Variants in ZNF143 observed in about 807,000 individuals in gnomAD.
ZNF143 encodes the protein SPH-binding factor.
ZNF143 carries 49 observed loss-of-function variants against 74.1 expected under a neutral mutation model. That is an observed-to-expected ratio of 0.66 (90% CI 0.53 to 0.84). The LOEUF (loss-of-function observed/expected upper bound fraction) is 0.84. Among genes scored for constraint, ZNF143 ranks in the 40% least tolerant of loss-of-function variants. The pLI is 0.00. For synonymous variants in ZNF143, 304 were observed against 282.8 expected (o/e 1.07, Z -0.75); for missense variants, 637 against 793.4 (o/e 0.80, Z 2.37).
chr11:9,465,297 C>G (rs1856129966), intron 1 of ZNF143, among the ~76,000 whole-genome samples: 1 of 151,956 alleles, frequency 6.6e-6, no homozygotes, highest in African/African-American at 2.4e-5. Context: ...AGTGATTCCC[C>G]TGCCTCAGCC....
chr11:9,511,449 A>G (rs1589935473), intron 12 of ZNF143, among the ~76,000 whole-genome samples: 1 of 147,448 alleles, frequency 6.8e-6, no homozygotes, highest in African/African-American at 2.5e-5. Context: ...GGCGCCTGCC[A>G]CCATGCCCGG....
intron 2 of ZNF143, among the ~76,000 whole-genome samples, chr11:9,472,474 G>T (rs1856638089): frequency 6.6e-6 from 1 of 152,038 alleles, no homozygotes; most frequent in Non-Finnish European, 1.5e-5. Flanking sequence ...GGCTGGTGTC[G>T]AACTTCTGAC....
chr11:9,484,855 T>C (rs914834253), intron 7 of ZNF143, among the ~76,000 whole-genome samples: 6 of 121,896 alleles, frequency 4.9e-5, no homozygotes, highest in African/African-American at 1.6e-4. Flanking sequence ...TGGAGTGCAG[T>C]GGCGCGATCT....
At position 9,478,532 on chromosome 11, in the gene ZNF143, G is replaced by C; in HGVS notation, c.516G>C (p.Gly172=). 6.2e-7 allele frequency: 1 copy of C among 1,614,146 alleles called. No homozygotes were observed. Among genetic ancestry groups the C allele is most frequent in the Non-Finnish European group, 8.5e-7 (1 of 1,180,036 alleles). Residue 172 remains glycine, a synonymous_variant, in exon 6 of 16, where the codon GGG becomes GGC. Coordinates refer to ENST00000396602, the MANE Select transcript of ZNF143 (RefSeq NM_003442.6). The stretch of plus-strand genomic sequence containing the variant: ...GGACAGTGGCAGGTCTGCACACTGG[G>C]GATGCTACAATTGACCCTGACACCA... The part of the protein sequence containing the change: ...ADGTVAGLHT[G]DATIDPDTIS...
intron 10 of ZNF143, among the ~76,000 whole-genome samples, chr11:9,500,388 GAC>G (rs748887847): frequency 1.8e-4 from 27 of 149,440 alleles, no homozygotes; most frequent in Admixed American, 3.4e-4. Context: ...ACTATTTCCT[GAC>G]ACAGTTAATA....
chr11:9,480,583 C>G (rs907029267), intron 7 of ZNF143, among the ~76,000 whole-genome samples: 3 of 151,994 alleles, frequency 2.0e-5, no homozygotes, highest in East Asian at 1.9e-4. Context: ...TCACTGAAAT[C>G]ACTTGTAGAA....
At chr11:9,525,710 GC>G (rs750886818) in intron 15 of ZNF143, among the ~76,000 whole-genome samples, 7 of 152,158 alleles carry the variant, frequency 4.6e-5, no homozygotes, top group Non-Finnish European at 8.8e-5. Context: ...GCACTTAAGA[GC>G]TACTCCTTAG....
Position 9,476,515 on chromosome 11 carries a change from G to GTGA in ZNF143, c.374-1875_374-1874insTGA, listed in dbSNP as rs561071492. 3.6e-3 allele frequency among the ~76,000 whole-genome samples: 539 copies of GTGA among 151,586 alleles called. 2 individuals are homozygous for GTGA. The highest frequency in any genetic ancestry group is 5.4e-3 in the Non-Finnish European group (368 of 67,754). ...AGCCTCCCAAGTAGCTGAGATTACA[G>GTGA]GTGCCCGCCACTACACCCGGCTAAT... On this transcript the variant is annotated intron_variant, in intron 5 of 15. Transcript: ENST00000396602.
intron 10 of ZNF143, among the ~76,000 whole-genome samples, chr11:9,499,139 C>T (rs1848068560): frequency 6.6e-6 from 1 of 152,170 alleles, no homozygotes; most frequent in Non-Finnish European, 1.5e-5. Context: ...TGTCAAACCA[C>T]ATGTTCATAT....
intron 11 of ZNF143, among the ~76,000 whole-genome samples, chr11:9,504,758 T>C (rs1244932651): frequency 9.1e-6 from 1 of 109,940 alleles, no homozygotes; most frequent in Non-Finnish European, 2.1e-5. Context: ...CACTGCAACC[T>C]CCGCCTCCTG....
Position 9,496,367 on chromosome 11 carries a change from C to T in ZNF143, c.830C>T (p.Ala277Val). 1 of 1,613,998 alleles carries T rather than the reference C, an allele frequency of 6.2e-7. No homozygotes were observed. Among genetic ancestry groups the T allele is most frequent in the Non-Finnish European group, 8.5e-7 (1 of 1,179,970 alleles). The change falls in exon 9 of 16, where the codon GCA (alanine) becomes GTA (valine). Residue 277 changes from alanine (A) to valine (V), a missense_variant. Around this residue, in one of 2 missense-constraint regions of ZNF143, gnomAD observed 344 missense variants for 485.6 expected, o/e 0.71. Coordinates refer to ENST00000396602, the MANE Select transcript of ZNF143 (RefSeq NM_003442.6). ...TGTGAGCATGCAGGCTGTGGGAAGG[C>T]ATTTGCAACAGGTAAAAGTATGAAT... ...YQCEHAGCGK[A>V]FATGYGLKSH... is the part of the protein sequence containing the mutation.
Position 9,473,961 on chromosome 11 carries a change from C to T in ZNF143, c.226C>T (p.Gln76Ter). 6.2e-7 allele frequency: 1 copy of T among 1,614,012 alleles called. No homozygotes were observed. The highest frequency in any genetic ancestry group is 8.5e-7 in the Non-Finnish European group (1 of 1,179,960). Residue 76 changes from glutamine to a stop codon, truncating the protein, a stop_gained, in exon 4 of 16, where the codon CAG (glutamine) becomes TAG (stop). Transcript: ENST00000396602. LOFTEE classifies it high-confidence loss of function. ...TATAGATGCAAAACTCATAGATGGC[C>T]AGGTCATTCAGTTGGAAGATGGTTC... Reference protein sequence around the residue: ...NSKDAKLIDGQVIQLEDGSAA... With the variant: ...NSKDAKLIDG
At chr11:9,516,800 T>C (rs1173292057) in intron 14 of ZNF143, among the ~76,000 whole-genome samples, 2 of 152,370 alleles carry the variant, frequency 1.3e-5, no homozygotes, top group South Asian at 4.1e-4. Flanking sequence ...CAACTTGTTC[T>C]TGCCTCCACA....
chr11:9,467,048 C>G (rs968617907), intron 1 of ZNF143, among the ~76,000 whole-genome samples: 1 of 151,310 alleles, frequency 6.6e-6, no homozygotes, highest in Non-Finnish European at 1.5e-5. Flanking sequence ...TGCATGCCAC[C>G]GCCTGGTTAA....
intron 1 of ZNF143, chr11:9,462,162 G>A (rs537922486): frequency 6.6e-6 from 1 of 152,150 alleles, no homozygotes; most frequent in Non-Finnish European, 1.5e-5. Flanking sequence ...TTTTGTCCTG[G>A]CGTATTTTGA....
At chr11:9,464,086 TTGTGTG>T (rs144501900) in intron 1 of ZNF143, among the ~76,000 whole-genome samples, 1,446 of 124,122 alleles carry the variant, frequency 0.012, 22 homozygotes, top group African/African-American at 0.035. Flanking sequence ...GTGTGTGTGT[TTGTGTG>T]TGTGTGTGTG....
At chr11:9,507,939 G>A (rs1848419857) in intron 11 of ZNF143, among the ~76,000 whole-genome samples, 1 of 152,126 alleles carries the variant, frequency 6.6e-6, no homozygotes, top group Admixed American at 6.6e-5. Context: ...GGTACATGGG[G>A]AACTGTTTCT....
intron 1 of ZNF143, among the ~76,000 whole-genome samples, chr11:9,467,627 C>T (rs1255158325): frequency 6.6e-6 from 1 of 151,910 alleles, no homozygotes; most frequent in Non-Finnish European, 1.5e-5. Context: ...GCGGGTGGAT[C>T]ATGAGGTCAG....
At position 9,479,424 on chromosome 11, in the gene ZNF143, C is replaced by T. The variant is rs188865352; in HGVS notation, c.571-48C>T. 4 of 1,516,328 alleles carry T rather than the reference C, an allele frequency of 2.6e-6. No individual in the cohort carries two copies. The African/African-American group carries it at 4.2e-5, about 16-fold the overall frequency. The allele number at this position is 1,516,328 out of a possible 1,614,324, so 93.9% of individuals were successfully genotyped here. On this transcript the variant is annotated intron_variant, in intron 6 of 15. Transcript: ENST00000396602. ...GAACCATGTACTTAACCAGCCTAAACCATTATCAAAATGTAAAACATTTTA... is the reference window on the plus strand; with the variant it reads ...GAACCATGTACTTAACCAGCCTAAATCATTATCAAAATGTAAAACATTTTA...
Sources: allele counts gnomAD v4.1 joint callset (sites outside exome capture counted in the v4.1 genomes callset), GRCh38; gene constraint gnomAD v4.1.1; regional missense constraint gnomAD v4.1.1; transcripts MANE v1.5; gene names NCBI Gene and HGNC (gene_info 2026-07-23, HGNC 2026-07-21).